Variants in HTR2C observed in about 807,000 individuals in gnomAD.
HTR2C encodes 5-hydroxytryptamine receptor 2C.
Under a neutral mutation model 21.0 loss-of-function variants are expected in HTR2C, and 5 were observed. The ratio of observed to expected loss-of-function variants is 0.24; its 90% CI spans 0.12 to 0.50. The LOEUF (loss-of-function observed/expected upper bound fraction) is 0.50. Among genes scored for constraint, HTR2C ranks in the 20% least tolerant of loss-of-function variants. The pLI, the probability that HTR2C is intolerant of heterozygous loss-of-function variation, is 0.98. For missense variants in HTR2C, 271 were observed against 371.2 expected (o/e 0.73, Z 2.22); for synonymous variants, 150 against 145.3 (o/e 1.03, Z -0.23).
chrX:114,667,074 T>G (rs1367319110), intron 2 of HTR2C, among the ~76,000 whole-genome samples: 1 of 111,157 alleles, frequency 9.0e-6, no homozygotes, highest in Admixed American at 9.7e-5. Context: ...CTGGGCACTA[T>G]CAAAATGAGG....
chrX:114,864,585 A>G (rs1213767376), intron 5 of HTR2C, among the ~76,000 whole-genome samples: 2 of 111,264 alleles, frequency 1.8e-5, no homozygotes, highest in African/African-American at 6.5e-5. Flanking sequence ...CCTGGATTTG[A>G]CTATTTACCT....
chrX:114,793,677 A>G (rs782702979), intron 4 of HTR2C, among the ~76,000 whole-genome samples: 10 of 110,503 alleles, frequency 9.0e-5, no homozygotes, highest in African/African-American at 3.3e-4. Context: ...TGGCTCTATT[A>G]TTGAATAATG....
chrX:114,833,322 T>A (rs2070747672), intron 4 of HTR2C, among the ~76,000 whole-genome samples: 1 of 102,964 alleles, frequency 9.7e-6, no homozygotes, highest in Admixed American at 1.1e-4. Context: ...TGTGAATCCA[T>A]CTGGTCCTGG....
intron 4 of HTR2C, among the ~76,000 whole-genome samples, chrX:114,779,474 G>A (rs1394944066): frequency 2.7e-5 from 3 of 111,264 alleles, no homozygotes; most frequent in African/African-American, 9.8e-5. Context: ...TTCCATATAG[G>A]TTGGTGCAAA....
chrX:114,790,567 G>A (rs782282205), intron 4 of HTR2C, among the ~76,000 whole-genome samples: 26 of 111,598 alleles, frequency 2.3e-4, no homozygotes, highest in Non-Finnish European at 4.1e-4. Flanking sequence ...CATTGTAATA[G>A]GATGTTTGAT....
chrX:114,694,689 C>T (rs898975585), intron 2 of HTR2C, among the ~76,000 whole-genome samples: 4 of 109,218 alleles, frequency 3.7e-5, no homozygotes, highest in Admixed American at 3.0e-4. Flanking sequence ...GATGGGGCTT[C>T]GTCATGTTGG....
intron 4 of HTR2C, among the ~76,000 whole-genome samples, chrX:114,785,039 G>T (rs1602781679): frequency 8.9e-6 from 1 of 111,800 alleles, no homozygotes; most frequent in Admixed American, 9.5e-5. Context: ...ACATTTTGAG[G>T]TTCTAGATGG....
At position 114,589,000 on chromosome X, in the gene HTR2C, A is replaced by T. The variant is rs191061561; in HGVS notation, c.-147+4341A>T. Reference sequence around the variant, plus strand: ...GGAAACTGAGGCATACAAAGAGGTTAATCTGTTCAAACTGAATGAACAAAA... The same window carrying T: ...GGAAACTGAGGCATACAAAGAGGTTTATCTGTTCAAACTGAATGAACAAAA... On this transcript the variant is annotated intron_variant, in intron 1 of 5. Coordinates refer to ENST00000276198, the MANE Select transcript of HTR2C (RefSeq NM_000868.4). 4.6e-4 allele frequency among the ~76,000 whole-genome samples: 52 copies of T among 112,186 alleles called. No individual in the cohort carries two copies. The East Asian group carries it at 7.9e-3, about 17-fold the overall frequency.
rs61672860 is a variant in HTR2C at position 114,734,564 on chromosome X, TAAAAAAAAAAAAAAA to T, written c.349+2971_349+2985del. On this transcript the variant is annotated intron_variant, in intron 4 of 5. Transcript: ENST00000276198. ...CAAGAGTGTTAGACTGCCTTACATGTAAAAAAAAAAAAAAAAAAAAAAAAAAAAGACAAAACAAAG... is the reference window on the plus strand; with the variant it reads ...CAAGAGTGTTAGACTGCCTTACATGTAAAAAAAAAAAAAGACAAAACAAAG... 1.7e-3 allele frequency among the ~76,000 whole-genome samples: 58 copies of T among 34,300 alleles called. 1 individual carries two copies. The highest frequency in any genetic ancestry group is 7.1e-3 in the African/African-American group (55 of 7,797). 29.8% of individuals were successfully genotyped at this position (34,300 alleles called of 115,157 possible).
chrX:114,628,405 A>ATTTTTTTTTTTTTTTTTTTTT (rs35975864), intron 2 of HTR2C, among the ~76,000 whole-genome samples: 2 of 43,909 alleles, frequency 4.6e-5, no homozygotes, highest in Non-Finnish European at 3.7e-5. Context: ...TGCCAGGCTA[A>ATTTTTTTTTTTTTTTTTTTTT]TTTTTTTTTT....
intron 2 of HTR2C, among the ~76,000 whole-genome samples, chrX:114,722,116 C>T (rs1200132132): frequency 2.2e-4 from 24 of 110,017 alleles, no homozygotes; most frequent in African/African-American, 7.6e-4. Flanking sequence ...GGCAGTATGG[C>T]CATTTTCACG....
At chrX:114,774,091 G>C (rs1340003038) in intron 4 of HTR2C, among the ~76,000 whole-genome samples, 2 of 112,115 alleles carry the variant, frequency 1.8e-5, no homozygotes, top group Non-Finnish European at 3.8e-5. Context: ...AAAACACAGT[G>C]GGATGTCATA....
chrX:114,740,573 TATAG>T (rs2069635118), intron 4 of HTR2C, among the ~76,000 whole-genome samples: 1 of 111,916 alleles, frequency 8.9e-6, no homozygotes, highest in Non-Finnish European at 1.9e-5. Context: ...CTAAGTTCTA[TATAG>T]AGAGAGATTA....
Position 114,653,289 on chromosome X carries a change from A to C in HTR2C, c.-80+39408A>C, listed in dbSNP as rs186585012. On this transcript the variant is annotated intron_variant, in intron 2 of 5. Transcript: ENST00000276198. ...ATGAAAATAACTTCAGTTATGTCTA[A>C]TTTAAAAATTCCTATTAAATATGTC... is the stretch of plus-strand genomic sequence containing the variant. Among the ~76,000 whole-genome samples, 416 of 111,015 alleles carry C rather than the reference A, an allele frequency of 3.7e-3. 1 individual carries two copies. The highest frequency in any genetic ancestry group is 9.2e-3 in the Middle Eastern group (2 of 217).
intron 4 of HTR2C, among the ~76,000 whole-genome samples, chrX:114,769,667 A>C (rs1556436503): frequency 9.0e-6 from 1 of 111,679 alleles, no homozygotes; most frequent in African/African-American, 3.2e-5. Context: ...CTTCAATAGT[A>C]TGTAGACATA....
chrX:114,678,506 G>C (rs782733310), intron 2 of HTR2C, among the ~76,000 whole-genome samples: 9 of 111,553 alleles, frequency 8.1e-5, no homozygotes, highest in Non-Finnish European at 1.7e-4. Context: ...AAGCTCTAGT[G>C]ATGCAGTGGC....
chrX:114,700,463 C>T (rs1370756617), intron 2 of HTR2C, among the ~76,000 whole-genome samples: 4 of 111,811 alleles, frequency 3.6e-5, no homozygotes, highest in Non-Finnish European at 7.5e-5. Context: ...ATTGGACATG[C>T]TCATTTTACC....
intron 5 of HTR2C, among the ~76,000 whole-genome samples, chrX:114,856,980 G>A (rs782770864): frequency 1.8e-5 from 2 of 111,280 alleles, no homozygotes; most frequent in South Asian, 7.5e-4. Flanking sequence ...TATTGAAAAG[G>A]TTTCAGAGAT....
intron 4 of HTR2C, among the ~76,000 whole-genome samples, chrX:114,756,629 A>G (rs2069816291): frequency 8.9e-6 from 1 of 112,226 alleles, no homozygotes; most frequent in African/African-American, 3.2e-5. Context: ...TCTATGACAA[A>G]ATTATAGAAA....
Sources: gnomAD v4.1 joint callset for allele counts (sites outside exome capture counted in the v4.1 genomes callset) on GRCh38, gnomAD v4.1.1 for gene constraint, MANE v1.5 for transcripts, NCBI Gene and HGNC (gene_info 2026-07-23, HGNC 2026-07-21) for gene names.